Variants in JAKMIP3 observed in about 807,000 individuals in gnomAD.
JAKMIP3 encodes the protein janus kinase and microtubule-interacting protein 3.
Under a neutral mutation model 118.5 loss-of-function variants are expected in JAKMIP3, and 58 were observed. That is an observed-to-expected ratio of 0.49 (90% CI 0.40 to 0.61). The LOEUF is 0.61. JAKMIP3 is among the 20% of genes least tolerant of loss of function. The pLI is 0.00. For synonymous variants in JAKMIP3, 486 were observed against 451.2 expected (o/e 1.08, Z -0.98); for missense variants, 950 against 1,109.0 (o/e 0.86, Z 2.04).
chr10:132,046,104 C>T (rs956701026), intron 1 of JAKMIP3, among the ~76,000 whole-genome samples: 2 of 152,162 alleles, frequency 1.3e-5, no homozygotes, highest in Non-Finnish European at 1.5e-5. Flanking sequence ...CTGACACCCC[C>T]AGCTTCCACG....
rs58687169 is a variant in JAKMIP3 at position 132,147,669 on chromosome 10, G to A, written c.1750-283G>A. ...TTGACGGCCTCCCTTCCACATCCCT[G>A]TCCAGGGGCCACCCAAGCTCAGGGC... On this transcript the variant is annotated intron_variant, in intron 13 of 23. Transcript: ENST00000684848. Among the ~76,000 whole-genome samples the A allele has an allele frequency of 8.0e-3, 1,218 of 152,286 alleles. 15 individuals are homozygous for A. The highest frequency in any genetic ancestry group is 0.027 in the African/African-American group (1,120 of 41,552).
intron 1 of JAKMIP3, among the ~76,000 whole-genome samples, chr10:132,103,444 GAGGA>G (rs2045376719): frequency 1.4e-5 from 1 of 71,414 alleles, no homozygotes; most frequent in Non-Finnish European, 2.8e-5. Flanking sequence ...ACCTGGGGGA[GAGGA>G]GCAGCTGGGG....
At chr10:132,096,802 C>T (rs1456881334) in intron 1 of JAKMIP3, among the ~76,000 whole-genome samples, 1 of 152,160 alleles carries the variant, frequency 6.6e-6, no homozygotes, top group Admixed American at 6.5e-5. Context: ...CGGCCAGGGA[C>T]CTCAGACCCC....
intron 13 of JAKMIP3, 117 bp from the exon 14 acceptor site, chr10:132,147,835 C>T (rs921404813): frequency 7.2e-6 from 5 of 694,150 alleles, no homozygotes; most frequent in African/African-American, 7.1e-5. Flanking sequence ...GGCTGGGTAC[C>T]AGGCCAGCCG....
At chr10:132,172,967 C>T (rs117137988) in intron 23 of JAKMIP3, among the ~76,000 whole-genome samples, 2,845 of 123,852 alleles carry the variant, frequency 0.023, 67 homozygotes, top group Middle Eastern at 0.035. Context: ...CTCTCCTTCC[C>T]TCTCTCTCCT....
chr10:132,052,744 G>C (rs2038135480), intron 1 of JAKMIP3, among the ~76,000 whole-genome samples: 1 of 151,930 alleles, frequency 6.6e-6, no homozygotes, highest in African/African-American at 2.4e-5. Context: ...TTCAAATTTG[G>C]TATATCACCT....
intron 23 of JAKMIP3, among the ~76,000 whole-genome samples, chr10:132,176,999 G>A (rs74589858): frequency 0.17 from 26,530 of 152,012 alleles, 2,576 homozygotes; most frequent in African/African-American, 0.24. Context: ...TACCAAGGGC[G>A]AAGGTGTTTC....
chr10:132,139,072 G>A (rs2052540086), intron 9 of JAKMIP3, among the ~76,000 whole-genome samples: 2 of 150,294 alleles, frequency 1.3e-5, no homozygotes, highest in African/African-American at 2.4e-5. Flanking sequence ...GTGTGTGTAT[G>A]TGTATGTGTG....
At chr10:132,132,277 C>T (rs2050789043) in intron 3 of JAKMIP3, among the ~76,000 whole-genome samples, 1 of 152,086 alleles carries the variant, frequency 6.6e-6, no homozygotes, top group African/African-American at 2.4e-5. Flanking sequence ...GCAAGATATC[C>T]CATTCTGCTC....
At chr10:132,162,382 G>A (rs1335497396) in intron 19 of JAKMIP3, among the ~76,000 whole-genome samples, 1 of 152,242 alleles carries the variant, frequency 6.6e-6, no homozygotes, top group Admixed American at 6.5e-5. Context: ...GCCAGCACTT[G>A]ACCAGGTTTA....
intron 2 of JAKMIP3, among the ~76,000 whole-genome samples, chr10:132,111,357 C>CT (rs1554934588): frequency 1.3e-5 from 2 of 152,004 alleles, no homozygotes; most frequent in African/African-American, 4.8e-5. Context: ...AGACCCCCCC[C>CT]ATGAGCACAG....
chr10:132,049,241 G>C lies in JAKMIP3; in HGVS notation c.-138+12503G>C, dbSNP rs375695126. On this transcript the variant is annotated intron_variant, in intron 1 of 23. Transcript: ENST00000657785. The surrounding 1 kb of genome is among the most constrained non-coding windows in gnomAD (Gnocchi z 4.3). ...TTCGGGTCTGTTTCTATGTAGGGAC[G>C]GTCTTCCGGGAGCACAGCTATAGCT... Among the ~76,000 whole-genome samples, 33 of 152,228 alleles carry C rather than the reference G, an allele frequency of 2.2e-4. No individual in the cohort carries two copies. The highest frequency in any genetic ancestry group is 7.2e-4 in the African/African-American group (30 of 41,542).
intron 2 of JAKMIP3, among the ~76,000 whole-genome samples, chr10:132,111,169 G>A (rs1014434705): frequency 3.3e-5 from 5 of 152,218 alleles, no homozygotes; most frequent in Non-Finnish European, 5.9e-5. Context: ...GGTGGGAGAC[G>A]CCATGGAAGC....
chr10:132,117,602 GGC>G lies in JAKMIP3; in HGVS notation c.633+30_633+31del. 4 of 871,114 alleles carry G rather than the reference GGC, an allele frequency of 4.6e-6. No individual in the cohort carries two copies. Among genetic ancestry groups the G allele is most frequent in the Non-Finnish European group, 5.9e-6 (4 of 676,848 alleles). 54.0% of individuals were successfully genotyped at this position (871,114 alleles called of 1,614,324 possible). On this transcript the variant is annotated intron_variant, in intron 3 of 23. Coordinates refer to ENST00000684848, the MANE Select transcript of JAKMIP3 (RefSeq NM_001323087.2). This position sits in a 1 kb window ranked among gnomAD's most constrained non-coding sequence, Gnocchi z 8.6. ...ACGTGGGCAGGCAGGGGCGGGCGTGGGCGAGGGTGCAGGGGCGGGCGTGGGCG... is the reference window on the plus strand; with the variant it reads ...ACGTGGGCAGGCAGGGGCGGGCGTGGGAGGGTGCAGGGGCGGGCGTGGGCG...
intron 10 of JAKMIP3, among the ~76,000 whole-genome samples, chr10:132,141,331 C>G (rs2053468707): frequency 6.6e-6 from 1 of 152,208 alleles, no homozygotes; most frequent in African/African-American, 2.4e-5. Flanking sequence ...CTAGACGTGG[C>G]CAACCCTTCC....
chr10:132,159,322 GC>G (rs1181432866), intron 19 of JAKMIP3, among the ~76,000 whole-genome samples: 4 of 133,944 alleles, frequency 3.0e-5, no homozygotes, highest in Non-Finnish European at 3.2e-5. Flanking sequence ...GATGCTGAGG[GC>G]GCCTCTCCCT....
intron 1 of JAKMIP3, among the ~76,000 whole-genome samples, chr10:132,092,577 C>T (rs1482931791): frequency 6.6e-6 from 1 of 152,212 alleles, no homozygotes; most frequent in Non-Finnish European, 1.5e-5. Flanking sequence ...GAAGCTTGTG[C>T]ATTTGTCACG....
At chr10:132,159,844 T>A (rs2057801550) in intron 19 of JAKMIP3, among the ~76,000 whole-genome samples, 1 of 48,862 alleles carries the variant, frequency 2.0e-5, no homozygotes, top group Non-Finnish European at 3.4e-5. Flanking sequence ...TGTGTGATGC[T>A]GGGGGGCCTC....
chr10:132,087,492 A>G (rs914535172), intron 1 of JAKMIP3, among the ~76,000 whole-genome samples: 8 of 152,018 alleles, frequency 5.3e-5, no homozygotes, highest in Non-Finnish European at 1.2e-4. Flanking sequence ...AAAAATGCCA[A>G]TTATTCTTAG....
Sources: allele counts gnomAD v4.1 joint callset (sites outside exome capture counted in the v4.1 genomes callset), GRCh38; gene constraint gnomAD v4.1.1; non-coding constraint Gnocchi (gnomAD v3.1); transcripts MANE v1.5; gene names NCBI Gene and HGNC (gene_info 2026-07-23, HGNC 2026-07-21).